CSMD3: variants seen among roughly 807,000 people sequenced by gnomAD.
CSMD3 encodes the protein CUB and sushi domain-containing protein 3.
CSMD3 carries 177 observed loss-of-function variants against 435.2 expected under a neutral mutation model. The ratio of observed to expected loss-of-function variants is 0.41; its 90% CI spans 0.36 to 0.46. The LOEUF is 0.46. CSMD3 is among the 20% of genes least tolerant of loss of function. The pLI is 0.34. For synonymous variants in CSMD3, 1,656 were observed against 1,520.5 expected, an observed-to-expected ratio of 1.09 and a Z score of -2.07; for missense variants, 4,265 against 4,504.6, an observed-to-expected ratio of 0.95 and a Z score of 1.52.
At chr8:112,339,018 G>A (rs1209098292) in intron 42 of CSMD3, among the ~76,000 whole-genome samples, 1 of 151,892 alleles carries the variant, frequency 6.6e-6, no homozygotes, top group Non-Finnish European at 1.5e-5. Context: ...GGGAACCTAA[G>A]GCTGTCTAAC....
chr8:113,258,341 C>A (rs1161303875), intron 3 of CSMD3, among the ~76,000 whole-genome samples: 1 of 152,170 alleles, frequency 6.6e-6, no homozygotes, highest in African/African-American at 2.4e-5. Flanking sequence ...GCTTGTTATT[C>A]TGACACTGTG....
At chr8:112,877,861 C>T (rs1224972661) in intron 10 of CSMD3, among the ~76,000 whole-genome samples, 1 of 152,044 alleles carries the variant, frequency 6.6e-6, no homozygotes, top group African/African-American at 2.4e-5. Flanking sequence ...AACTGGCTAG[C>T]CATATGCAGA....
chr8:112,703,439 G>A (rs1043677144), intron 13 of CSMD3, among the ~76,000 whole-genome samples: 2 of 152,108 alleles, frequency 1.3e-5, no homozygotes, highest in African/African-American at 4.8e-5. Context: ...GTAGAAACAA[G>A]GCTTTTTCAA....
chr8:113,334,869 TTTCA>T (rs1405247118), intron 1 of CSMD3, among the ~76,000 whole-genome samples: 10 of 152,080 alleles, frequency 6.6e-5, no homozygotes, highest in African/African-American at 2.2e-4. Flanking sequence ...ATAGTGTGCC[TTTCA>T]TTATGTTTTT....
intron 3 of CSMD3, among the ~76,000 whole-genome samples, chr8:113,216,271 G>A (rs1226452394): frequency 1.3e-5 from 2 of 151,728 alleles, no homozygotes; most frequent in African/African-American, 4.8e-5. Flanking sequence ...GTGATAAAAA[G>A]CCATCTATCT....
At chr8:113,423,032 T>C (rs1222018634) in intron 1 of CSMD3, among the ~76,000 whole-genome samples, 3 of 152,102 alleles carry the variant, frequency 2.0e-5, no homozygotes, top group Non-Finnish European at 4.4e-5. Flanking sequence ...ATACATAATA[T>C]ATAAATAGCC....
intron 1 of CSMD3, among the ~76,000 whole-genome samples, chr8:113,353,890 G>A (rs2132931618): frequency 6.6e-6 from 1 of 152,074 alleles, no homozygotes; most frequent in Middle Eastern, 3.4e-3. Flanking sequence ...AAAAGATATT[G>A]CATCTTTTCT....
chr8:112,305,845 T>C (rs1821368710), intron 51 of CSMD3, among the ~76,000 whole-genome samples, 162 bp downstream of exon 51: 1 of 152,208 alleles, frequency 6.6e-6, no homozygotes, highest in Admixed American at 6.5e-5. Flanking sequence ...TACTGTCTTC[T>C]AGTACTTCAT....
intron 36 of CSMD3, among the ~76,000 whole-genome samples, chr8:112,384,621 C>A (rs1829774639): frequency 6.6e-6 from 1 of 152,202 alleles, no homozygotes; most frequent in Non-Finnish European, 1.5e-5. Context: ...ATAATTACAA[C>A]AATTTCACTC....
intron 13 of CSMD3, among the ~76,000 whole-genome samples, chr8:112,703,236 G>GAGT (rs2076428599): frequency 6.6e-6 from 1 of 152,132 alleles, no homozygotes; most frequent in African/African-American, 2.4e-5. Flanking sequence ...CACCCATAGA[G>GAGT]AGTAGCACAT....
intron 1 of CSMD3, among the ~76,000 whole-genome samples, chr8:113,430,184 G>C (rs564065024): frequency 6.6e-6 from 1 of 152,256 alleles, no homozygotes; most frequent in Non-Finnish European, 1.5e-5. Flanking sequence ...AGTGAGAAGA[G>C]GCTACACTTT....
At chr8:112,522,907 G>A (rs1283203976) in intron 27 of CSMD3, among the ~76,000 whole-genome samples, 5 of 151,912 alleles carry the variant, frequency 3.3e-5, no homozygotes, top group Non-Finnish European at 4.4e-5. Flanking sequence ...TTCACAAGCC[G>A]AGCTGGTGCA....
chr8:113,126,601 T>G (rs2091138584), intron 4 of CSMD3, among the ~76,000 whole-genome samples: 1 of 151,916 alleles, frequency 6.6e-6, no homozygotes, highest in South Asian at 2.1e-4. Flanking sequence ...GAATACAATT[T>G]GAGACAGATT....
At chr8:112,407,643 G>A (rs1377690616) in intron 34 of CSMD3, among the ~76,000 whole-genome samples, 13 of 151,908 alleles carry the variant, frequency 8.6e-5, no homozygotes, top group Admixed American at 8.5e-4. Flanking sequence ...GGGGTAAGAA[G>A]GTTTAATAGG....
intron 22 of CSMD3, among the ~76,000 whole-genome samples, chr8:112,595,149 C>T (rs1364825448): frequency 1.4e-5 from 2 of 147,846 alleles, no homozygotes; most frequent in Non-Finnish European, 3.0e-5. Context: ...ACTAGAATAA[C>T]CAATACAGAG....
rs2082749125 is a variant in CSMD3, at chr8:112,921,706, T to G, written c.1554A>C (p.Leu518=). 6.2e-7 allele frequency: 1 copy of G among 1,611,042 alleles called. No individual in the cohort carries two copies. Among genetic ancestry groups the G allele is most frequent in the African/African-American group, 1.3e-5 (1 of 74,806 alleles). ...VQFSCDEDYV[L]QGAKSITCQR... is the part of the protein sequence containing the mutation. ...GACAGGTGATGCTCTTTGCGCCCTG[T>G]AGGACATAATCTTCATCACAAGAGA... Residue 518 remains leucine (L), a synonymous_variant, in exon 10 of 71, where the codon CTA becomes CTC. Coordinates refer to ENST00000297405, the MANE Select transcript of CSMD3 (RefSeq NM_198123.2).
chr8:113,083,265 T>C (rs2089635822), intron 5 of CSMD3, among the ~76,000 whole-genome samples: 2 of 151,952 alleles, frequency 1.3e-5, no homozygotes, highest in East Asian at 1.9e-4. Flanking sequence ...AAGTCACATA[T>C]AAGGGAATGC....
chr8:113,313,522 T>A (rs1381095450), intron 2 of CSMD3: 1 of 151,978 alleles, frequency 6.6e-6, no homozygotes, highest in Non-Finnish European at 1.5e-5. Context: ...GGGGTTTCAC[T>A]AAAACACTAA....
At chr8:112,291,965 AT>A (rs1432752390) in intron 55 of CSMD3, among the ~76,000 whole-genome samples, 2 of 152,026 alleles carry the variant, frequency 1.3e-5, no homozygotes, top group African/African-American at 4.8e-5. Context: ...AAAATGACAT[AT>A]TTTAAGCTAT....
Sources: gnomAD v4.1 joint callset for allele counts (sites outside exome capture counted in the v4.1 genomes callset) on GRCh38, gnomAD v4.1.1 for gene constraint, MANE v1.5 for transcripts, NCBI Gene and HGNC (gene_info 2026-07-23, HGNC 2026-07-21) for gene names.